Variants in MAPKAP1 observed in about 807,000 individuals in gnomAD.
The protein encoded by MAPKAP1 is MAPK associated protein 1.
Under a neutral mutation model 65.7 loss-of-function variants are expected in MAPKAP1, and 20 were observed. The observed-to-expected ratio is 0.30, with a 90% CI of 0.21 to 0.44. The LOEUF is 0.44. Among genes scored for constraint, MAPKAP1 ranks in the 20% least tolerant of loss-of-function variants. The probability of loss-of-function intolerance (pLI) is 1.00; values close to 1 mark genes in which losing one functional copy is unlikely to be tolerated. For missense variants in MAPKAP1, 423 were observed against 648.0 expected (o/e 0.65, Z 3.77); for synonymous variants, 222 against 244.3 (o/e 0.91, Z 0.85).
chr9:125,555,456 T>C (rs1218821525), intron 6 of MAPKAP1, among the ~76,000 whole-genome samples: 1 of 152,252 alleles, frequency 6.6e-6, no homozygotes. Context: ...CTGCCGCACT[T>C]AGAGGGAAAG....
intron 3 of MAPKAP1, among the ~76,000 whole-genome samples, chr9:125,664,011 A>G (rs747375145): frequency 2.6e-5 from 4 of 152,198 alleles, no homozygotes; most frequent in Non-Finnish European, 5.9e-5. Context: ...CTAGAACTAT[A>G]AGAATTTAGG....
At chr9:125,556,245 A>T (rs1459996053) in intron 6 of MAPKAP1, among the ~76,000 whole-genome samples, 1 of 152,236 alleles carries the variant, frequency 6.6e-6, no homozygotes, top group Non-Finnish European at 1.5e-5. Flanking sequence ...CACACTAGTA[A>T]GGGCAAGGCT....
At chr9:125,466,672 C>T (rs1051891202) in intron 10 of MAPKAP1, among the ~76,000 whole-genome samples, 8 of 152,186 alleles carry the variant, frequency 5.3e-5, no homozygotes, top group African/African-American at 1.9e-4. Context: ...CCCCCAGCAG[C>T]AGGCACTTTT....
intron 4 of MAPKAP1, among the ~76,000 whole-genome samples, chr9:125,600,669 T>C (rs965451936): frequency 2.6e-5 from 4 of 151,562 alleles, no homozygotes; most frequent in Admixed American, 6.5e-5. Context: ...GAAAGGTCTC[T>C]ATCTTAATTA....
At chr9:125,456,311 C>T (rs145255755) in intron 10 of MAPKAP1, among the ~76,000 whole-genome samples, 32 of 152,286 alleles carry the variant, frequency 2.1e-4, no homozygotes, top group Admixed American at 7.2e-4. Context: ...AGTTTTTCCC[C>T]TCCATCACCA....
chr9:125,589,136 C>A (rs1229779449), intron 4 of MAPKAP1, among the ~76,000 whole-genome samples: 1 of 152,058 alleles, frequency 6.6e-6, no homozygotes, highest in Non-Finnish European at 1.5e-5. Context: ...ATGGTAGGAC[C>A]TACCTATCAT....
At chr9:125,472,416 A>T (rs928108546) in intron 9 of MAPKAP1, among the ~76,000 whole-genome samples, 4 of 152,240 alleles carry the variant, frequency 2.6e-5, no homozygotes, top group African/African-American at 4.8e-5. Context: ...CACAAATGCC[A>T]ATAAATGCAC....
rs1434485117 is a variant in MAPKAP1 at position 125,595,810 on chromosome 9, T to G, written c.499-10083A>C. The G allele has an allele frequency of 1.3e-4, 148 of 1,140,784 alleles. No homozygotes were observed. The East Asian group carries it at 3.5e-3, about 27-fold the overall frequency. 70.7% of individuals were successfully genotyped at this position (1,140,784 alleles called of 1,614,324 possible). A position where few individuals can be genotyped will look rare whatever the true frequency, so the allele number is the denominator to read the frequency against. On this transcript the variant is annotated intron_variant, in intron 4 of 11. Coordinates refer to ENST00000265960, the MANE Select transcript of MAPKAP1 (RefSeq NM_001006617.3). This position sits in a 1 kb window ranked among gnomAD's most constrained non-coding sequence, Gnocchi z 4.0. Reference sequence around the variant, plus strand: ...TCCCAGACTGTGTGGTAATGAAAGATTCCAACACCAAGCGTTCCGGGGGTT... The same window carrying G: ...TCCCAGACTGTGTGGTAATGAAAGAGTCCAACACCAAGCGTTCCGGGGGTT...
At chr9:125,495,967 C>G (rs899902934) in intron 8 of MAPKAP1, among the ~76,000 whole-genome samples, 1 of 152,246 alleles carries the variant, frequency 6.6e-6, no homozygotes, top group South Asian at 2.1e-4. Context: ...CAGACACACT[C>G]AGTAATGGTG....
intron 1 of MAPKAP1, among the ~76,000 whole-genome samples, chr9:125,704,935 A>G (rs1835712969): frequency 6.6e-6 from 1 of 152,184 alleles, no homozygotes; most frequent in Non-Finnish European, 1.5e-5. Flanking sequence ...GAAGAAAGTG[A>G]TGCTTGGAGT....
intron 4 of MAPKAP1, among the ~76,000 whole-genome samples, chr9:125,604,074 G>A (rs1832379823): frequency 6.6e-6 from 1 of 152,188 alleles, no homozygotes; most frequent in African/African-American, 2.4e-5. Flanking sequence ...GGCTCTGATA[G>A]ATGCAAAAGT....
intron 1 of MAPKAP1, among the ~76,000 whole-genome samples, chr9:125,679,121 C>T (rs77640697): frequency 6.6e-6 from 1 of 152,008 alleles, no homozygotes; most frequent in Non-Finnish European, 1.5e-5. Flanking sequence ...CCTGCCTCAG[C>T]CTCCTGAGTG....
At chr9:125,646,015 A>G (rs1175873109) in intron 4 of MAPKAP1, among the ~76,000 whole-genome samples, 2 of 152,218 alleles carry the variant, frequency 1.3e-5, no homozygotes, top group African/African-American at 4.8e-5. Flanking sequence ...TTCAGTAATG[A>G]TATCTTGAGA....
At chr9:125,702,830 C>T (rs934727291) in intron 1 of MAPKAP1, among the ~76,000 whole-genome samples, 3 of 148,486 alleles carry the variant, frequency 2.0e-5, no homozygotes, top group Non-Finnish European at 4.5e-5. Flanking sequence ...CCAGCCTGGG[C>T]AACAAGAGCG....
At chr9:125,576,685 G>T (rs1341634382) in intron 5 of MAPKAP1, among the ~76,000 whole-genome samples, 1 of 152,230 alleles carries the variant, frequency 6.6e-6, no homozygotes, top group East Asian at 1.9e-4. Context: ...CACCTGACTG[G>T]TTTTTGTATT....
intron 1 of MAPKAP1, among the ~76,000 whole-genome samples, chr9:125,675,283 AG>A (rs1268339287): frequency 6.6e-6 from 1 of 152,220 alleles, no homozygotes. Context: ...CTTAGCCAAA[AG>A]GCCGAGAAGT....
At chr9:125,579,788 T>C (rs1041422352) in intron 5 of MAPKAP1, among the ~76,000 whole-genome samples, 1 of 152,126 alleles carries the variant, frequency 6.6e-6, no homozygotes. Context: ...CACATTACAC[T>C]GCCCGACAGG....
At chr9:125,569,028 G>A (rs568986732) in intron 5 of MAPKAP1, among the ~76,000 whole-genome samples, 9 of 152,302 alleles carry the variant, frequency 5.9e-5, no homozygotes, top group Admixed American at 5.2e-4. Flanking sequence ...GTCGTTCTGT[G>A]TCGAGGGGTA....
chr9:125,567,376 C>G (rs1831089440), intron 5 of MAPKAP1, among the ~76,000 whole-genome samples: 1 of 152,166 alleles, frequency 6.6e-6, no homozygotes, highest in Admixed American at 6.5e-5. Flanking sequence ...AGCTAAAACC[C>G]ACTGAAACCA....
Sources: gnomAD v4.1 joint callset for allele counts (sites outside exome capture counted in the v4.1 genomes callset) on GRCh38, gnomAD v4.1.1 for gene constraint, Gnocchi (gnomAD v3.1) non-coding constraint, MANE v1.5 for transcripts, NCBI Gene and HGNC (gene_info 2026-07-23, HGNC 2026-07-21) for gene names.